MTTP: variants seen among roughly 807,000 people sequenced by gnomAD.
The protein encoded by MTTP is microsomal triglyceride transfer protein.
A neutral mutation model predicts 90.6 loss-of-function variants in MTTP; 49 were observed. That is an observed-to-expected ratio of 0.54 (90% CI 0.43 to 0.69). The LOEUF is 0.69. Among genes scored for constraint, MTTP ranks in the 30% least tolerant of loss-of-function variants. The pLI is 0.00. For synonymous variants in MTTP, 347 were observed against 384.2 expected (o/e 0.90, Z 1.13); for missense variants, 945 against 1,067.5 (o/e 0.89, Z 1.60).
Position 99,582,066 on chromosome 4 carries a change from G to A in MTTP, c.223G>A (p.Asp75Asn), listed in dbSNP as rs757216466. 1 of 1,614,026 alleles carries A rather than the reference G, an allele frequency of 6.2e-7. No individual in the cohort carries two copies. Among genetic ancestry groups the A allele is most frequent in the Admixed American group, 1.7e-5 (1 of 60,008 alleles). Reference sequence around the variant, plus strand: ...CTTACTATGGAGGAATCCTGATGGTGATGATGACCAGTTGATCCAAATAAC... The same window carrying A: ...CTTACTATGGAGGAATCCTGATGGTAATGATGACCAGTTGATCCAAATAAC... ...VALLWRNPDG[D>N]DDQLIQITMK... is the part of the protein sequence containing the mutation. Residue 75 changes from aspartate to asparagine, a missense_variant, in exon 2 of 18, where the codon GAT becomes AAT. By Grantham distance (23) the Asp-to-Asn change is conservative. Coordinates refer to ENST00000265517, the MANE Select transcript of MTTP (RefSeq NM_001386140.1).
chr4:99,611,111 T>A, intron 12 of MTTP, 32 bp from the exon 13 acceptor site: 2 of 1,586,000 alleles, frequency 1.3e-6, no homozygotes, highest in South Asian at 1.1e-5. Flanking sequence ...TTACAATGAA[T>A]GTGCAGCTTT....
intron 12 of MTTP, 77 bp downstream of exon 12, chr4:99,609,054 T>C: frequency 7.6e-7 from 1 of 1,324,248 alleles, no homozygotes; most frequent in Non-Finnish European, 1.1e-6. Flanking sequence ...TAGCTAATAA[T>C]AATGATGTGG....
At chr4:99,599,583 C>A (rs1401673977) in intron 8 of MTTP, among the ~76,000 whole-genome samples, 1 of 152,168 alleles carries the variant, frequency 6.6e-6, no homozygotes, top group Non-Finnish European at 1.5e-5. Context: ...ATATGTCAAG[C>A]ACTCTTCTGA....
intron 10 of MTTP, among the ~76,000 whole-genome samples, chr4:99,605,218 C>T (rs778160167): frequency 1.3e-5 from 2 of 152,058 alleles, no homozygotes; most frequent in African/African-American, 2.4e-5. Flanking sequence ...TCACCTACTT[C>T]CTCTAGGTAA....
chr4:99,596,935 A>G (rs2110222039), intron 7 of MTTP, 132 bp from the exon 8 acceptor site: 1 of 1,093,294 alleles, frequency 9.1e-7, no homozygotes, highest in African/African-American at 1.5e-5. Flanking sequence ...TGTCATGTGT[A>G]TTGAGGTAAG....
At chr4:99,582,449 A>G (rs1475311178) in intron 2 of MTTP, among the ~76,000 whole-genome samples, 2 of 152,216 alleles carry the variant, frequency 1.3e-5, no homozygotes, top group African/African-American at 4.8e-5. Context: ...CTCTAACTCA[A>G]GAGGAGATCA....
chr4:99,615,679 G>A (rs1020216020), intron 15 of MTTP, among the ~76,000 whole-genome samples: 3 of 152,210 alleles, frequency 2.0e-5, no homozygotes, highest in Admixed American at 6.5e-5. Flanking sequence ...AGGGCAGATG[G>A]AATTACTCTG....
intron 1 of MTTP, among the ~76,000 whole-genome samples, chr4:99,578,896 T>G (rs1725031247): frequency 6.6e-6 from 1 of 152,214 alleles, no homozygotes; most frequent in Admixed American, 6.5e-5. Context: ...TGTATTTCCT[T>G]TATGCCCTAT....
Position 99,591,332 on chromosome 4 carries a change from G to C in MTTP, c.599G>C (p.Gly200Ala). 3 of 1,612,736 alleles carry C rather than the reference G, an allele frequency of 1.9e-6. No homozygotes were observed. Among genetic ancestry groups the C allele is most frequent in the Non-Finnish European group, 1.7e-6 (2 of 1,178,786 alleles). Residue 200 changes from glycine (G) to alanine (A), a missense_variant, in exon 5 of 18, where the codon GGA (glycine) becomes GCA (alanine). Gly to Ala is a moderately conservative substitution (Grantham distance 60). Coordinates refer to ENST00000265517, the MANE Select transcript of MTTP (RefSeq NM_001386140.1). ...ALDSCKIARS[G>A]FTTPNQVLGV... is the part of the protein sequence containing the mutation. ...GATTCATGCAAAATAGCGAGGTCTG[G>C]ATTTACGACCCCAAATCAGGTATGA... is the stretch of plus-strand genomic sequence containing the variant.
At position 99,618,986 on chromosome 4, in the gene MTTP, C is replaced by G; in HGVS notation, c.2230C>G (p.Gln744Glu). Reference sequence around the variant, plus strand: ...TTTTTTCTTCTAGGAACTTCAGTTACAATCTGGACTAAAAGCCAATATAGA... The same window carrying G: ...TTTTTTCTTCTAGGAACTTCAGTTAGAATCTGGACTAAAAGCCAATATAGA... ...LIDHSQELQLQSGLKANIEVQ... is the reference protein window; with the variant it reads ...LIDHSQELQLESGLKANIEVQ... The change falls in exon 16 of 18, where the codon CAA becomes GAA. Residue 744 changes from glutamine (Q) to glutamate (E), a missense_variant. Transcript: ENST00000265517. The G allele has an allele frequency of 6.2e-7, 1 of 1,612,208 alleles. No homozygotes were observed. The highest frequency in any genetic ancestry group is 8.5e-7 in the Non-Finnish European group (1 of 1,178,434).
chr4:99,570,081 T>C (rs1167215807), upstream of MTTP, among the ~76,000 whole-genome samples: 1 of 151,940 alleles, frequency 6.6e-6, no homozygotes, highest in African/African-American at 2.4e-5. Flanking sequence ...AGAGCCAGTG[T>C]GTTTCTCCAC....
intron 6 of MTTP, among the ~76,000 whole-genome samples, chr4:99,592,263 T>G (rs528271911): frequency 6.6e-6 from 1 of 152,200 alleles, no homozygotes; most frequent in Non-Finnish European, 1.5e-5. Context: ...GTGAATGTCA[T>G]AGACTAGGAC....
intron 15 of MTTP, among the ~76,000 whole-genome samples, chr4:99,617,360 C>T (rs573140985): frequency 2.0e-5 from 3 of 152,252 alleles, no homozygotes; most frequent in African/African-American, 4.8e-5. Context: ...ATGCCGCAAC[C>T]GTACTTTTTT....
Position 99,600,560 on chromosome 4 carries a change from T to TA in MTTP, c.1068-4dup, listed in dbSNP as rs1725669623. Reference sequence around the variant, plus strand: ...TGATATCCATGATTATGCCTTTTTTTATAGACCTCAGCTGGTGGATGCTGT... The same window carrying TA: ...TGATATCCATGATTATGCCTTTTTTTAATAGACCTCAGCTGGTGGATGCTGT... On this transcript the variant is annotated splice_polypyrimidine_tract_variant and splice_region_variant and intron_variant, in intron 8 of 17. Coordinates refer to ENST00000265517, the MANE Select transcript of MTTP (RefSeq NM_001386140.1). 5 of 1,613,386 alleles carry TA rather than the reference T, an allele frequency of 3.1e-6. No individual in the cohort carries two copies. In the East Asian group the frequency reaches 1.1e-4, roughly 36 times the overall value.
chr4:99,582,400 G>A (rs1725141993), intron 2 of MTTP, among the ~76,000 whole-genome samples: 1 of 152,076 alleles, frequency 6.6e-6, no homozygotes, highest in South Asian at 2.1e-4. Context: ...GGGAGAGAAG[G>A]GTCAATAATC....
At chr4:99,616,086 A>T (rs1297337165) in intron 15 of MTTP, among the ~76,000 whole-genome samples, 1 of 152,142 alleles carries the variant, frequency 6.6e-6, no homozygotes, top group Non-Finnish European at 1.5e-5. Flanking sequence ...GATAGCCATG[A>T]ATATTAGTAG....
At chr4:99,580,035 CA>C (rs34092272) in intron 1 of MTTP, among the ~76,000 whole-genome samples, 14,470 of 60,720 alleles carry the variant, frequency 0.24, 628 homozygotes, top group African/African-American at 0.28. Flanking sequence ...GACCCTGTCT[CA>C]AAAAAAAAAA....
intron 1 of MTTP, chr4:99,564,304 C>T (rs1208947770): frequency 1.4e-5 from 20 of 1,442,656 alleles, no homozygotes; most frequent in Non-Finnish European, 1.0e-5. Context: ...AAGAAAGGCT[C>T]CTAATTTTTC....
At chr4:99,584,164 G>A (rs1230692616) in intron 3 of MTTP, 3 of 151,984 alleles carry the variant, frequency 2.0e-5, no homozygotes, top group African/African-American at 7.2e-5. Flanking sequence ...CAATTGAAAT[G>A]GTCTAAATAA....
Sources: allele counts gnomAD v4.1 joint callset (sites outside exome capture counted in the v4.1 genomes callset), GRCh38; gene constraint gnomAD v4.1.1; transcripts MANE v1.5; gene names NCBI Gene and HGNC (gene_info 2026-07-23, HGNC 2026-07-21).